FSTL1: variants seen among roughly 807,000 people sequenced by gnomAD.
The protein encoded by FSTL1 is follistatin-related protein 1.
In FSTL1, 24 loss-of-function variants were observed where a neutral mutation model predicts 45.9. That is an observed-to-expected ratio of 0.52 (90% CI 0.38 to 0.74). FSTL1 has a LOEUF of 0.74. FSTL1 is among the 30% of genes least tolerant of loss of function. The probability of loss-of-function intolerance (pLI) is 0.00; values close to 1 mark genes in which losing one functional copy is unlikely to be tolerated. For missense variants in FSTL1, 340 were observed against 381.8 expected, an observed-to-expected ratio of 0.89 and a Z score of 0.91; for synonymous variants, 120 against 137.6, an observed-to-expected ratio of 0.87 and a Z score of 0.89.
intron 2 of FSTL1, among the ~76,000 whole-genome samples, chr3:120,425,991 G>T (rs1937372696): frequency 6.6e-6 from 1 of 152,150 alleles, no homozygotes; most frequent in Admixed American, 6.5e-5. Flanking sequence ...GGGAAGAAAA[G>T]AAAGGAGAGA....
intron 2 of FSTL1, among the ~76,000 whole-genome samples, chr3:120,430,567 A>C (rs1340410775): frequency 6.6e-6 from 1 of 152,240 alleles, no homozygotes. Flanking sequence ...AGTTTAGAGG[A>C]ATGTTAATCT....
chr3:120,450,735 G>T lies in FSTL1; in HGVS notation c.12C>A (p.Arg4=). ...CCAGCGCGAGCGCGAGCGCGAGCCA[G>T]CGTTTCCACATCTGCGGAAGAGAGA... is the stretch of plus-strand genomic sequence containing the variant. MWK[R]WLALALALVA... The change falls in exon 2 of 11, where the codon CGC becomes CGA. Residue 4 remains arginine, a synonymous_variant. Transcript: ENST00000295633. The T allele has an allele frequency of 6.3e-7, 1 of 1,580,050 alleles. No individual in the cohort carries two copies. Among genetic ancestry groups the T allele is most frequent in the Non-Finnish European group, 8.5e-7 (1 of 1,169,796 alleles).
In FSTL1 at chr3:120,392,595, T is replaced by C. The variant is rs1253762932; in HGVS notation, c.*4357A>G. ...GGATTTTTACCATGTACACATATTA[T>C]TTTTTCAGTAAAAAAGTTAAATCAT... On this transcript the variant is annotated 3_prime_UTR_variant, in exon 11 of 11. Coordinates refer to ENST00000295633, the MANE Select transcript of FSTL1 (RefSeq NM_007085.5). 1.3e-5 allele frequency: 2 copies of C among 152,224 alleles called. No homozygotes were observed. The highest frequency in any genetic ancestry group is 4.8e-5 in the African/African-American group (2 of 41,470). 9.4% of individuals were successfully genotyped at this position (152,224 alleles called of 1,614,324 possible). A position where few individuals can be genotyped will look rare whatever the true frequency, so the allele number is the denominator to read the frequency against.
rs149202394 is a variant in FSTL1 at position 120,449,637 on chromosome 3, A to C, written c.63+1047T>G. Among the ~76,000 whole-genome samples, 476 of 152,368 alleles carry C rather than the reference A, an allele frequency of 3.1e-3. 4 individuals are homozygous for C. The highest frequency in any genetic ancestry group is 0.011 in the African/African-American group (447 of 41,588). On this transcript the variant is annotated intron_variant, in intron 2 of 10. Transcript: ENST00000295633. Reference sequence around the variant, plus strand: ...GTAGTGAATTAAATGAGAATTCAGTACAATGCGTATTTTTTAAAAATTGTG... The same window carrying C: ...GTAGTGAATTAAATGAGAATTCAGTCCAATGCGTATTTTTTAAAAATTGTG...
At chr3:120,424,754 G>T (rs974030389) in intron 2 of FSTL1, among the ~76,000 whole-genome samples, 1 of 152,162 alleles carries the variant, frequency 6.6e-6, no homozygotes, top group Non-Finnish European at 1.5e-5. Context: ...CTGGGGGGCT[G>T]CCAGATCTTT....
chr3:120,436,800 G>A (rs1937569233), intron 2 of FSTL1, among the ~76,000 whole-genome samples: 1 of 152,170 alleles, frequency 6.6e-6, no homozygotes, highest in African/African-American at 2.4e-5. Flanking sequence ...CATAATTATA[G>A]CACATAGTGC....
At chr3:120,406,547 T>C (rs1302532966) in intron 6 of FSTL1, among the ~76,000 whole-genome samples, 3 of 152,206 alleles carry the variant, frequency 2.0e-5, no homozygotes, top group Non-Finnish European at 2.9e-5. Context: ...AGGACTAGAA[T>C]AAGGCCTGCA....
intron 2 of FSTL1, among the ~76,000 whole-genome samples, chr3:120,432,348 G>T (rs776657248): frequency 1.8e-4 from 27 of 152,066 alleles, no homozygotes; most frequent in South Asian, 8.3e-4. Flanking sequence ...TGTCACAGCT[G>T]GGGGGAAGGA....
intron 7 of FSTL1, among the ~76,000 whole-genome samples, chr3:120,403,947 A>C (rs59780752): frequency 2.9e-5 from 3 of 104,332 alleles, no homozygotes; most frequent in African/African-American, 7.8e-5. Context: ...AAAAAAAACA[A>C]AAACAAAACA....
intron 4 of FSTL1, chr3:120,411,228 T>C: frequency 2.4e-6 from 1 of 409,730 alleles, no homozygotes; most frequent in Non-Finnish European, 4.5e-6. Flanking sequence ...CCTCCTCCTG[T>C]TGCATTGAGG....
chr3:120,419,048 A>C (rs1051034859), intron 2 of FSTL1: 2 of 152,218 alleles, frequency 1.3e-5, no homozygotes, highest in African/African-American at 4.8e-5. Flanking sequence ...CTAGTTACAC[A>C]ATCATTCCTC....
intron 6 of FSTL1, among the ~76,000 whole-genome samples, chr3:120,409,020 G>A (rs1936999867): frequency 1.3e-5 from 2 of 152,152 alleles, no homozygotes; most frequent in South Asian, 4.1e-4. Flanking sequence ...TTATGATTGG[G>A]AACAGCAATA....
At chr3:120,433,935 A>C (rs1384204008) in intron 2 of FSTL1, among the ~76,000 whole-genome samples, 3 of 152,216 alleles carry the variant, frequency 2.0e-5, no homozygotes, top group Non-Finnish European at 4.4e-5. Context: ...TAGAGCATGT[A>C]GGGTTTTAAA....
chr3:120,413,776 A>ACTCCCTCTCCCT (rs777544939), intron 3 of FSTL1, among the ~76,000 whole-genome samples: 1,019 of 35,828 alleles, frequency 0.028, 261 homozygotes, highest in Non-Finnish European at 0.043. Flanking sequence ...TAAAAAAAAA[A>ACTCCCTCTCCCT]CTCCCTCTCC....
rs1376444120 is a variant in FSTL1 at position 120,393,546 on chromosome 3, C to T, written c.*3406G>A. 1 of 152,198 alleles carries T rather than the reference C, an allele frequency of 6.6e-6. No individual in the cohort carries two copies. Among genetic ancestry groups the T allele is most frequent in the African/African-American group, 2.4e-5 (1 of 41,454 alleles). The allele number at this position is 152,198 out of a possible 1,614,324, so 9.4% of individuals were successfully genotyped here. On this transcript the variant is annotated 3_prime_UTR_variant, in exon 11 of 11. Transcript: ENST00000295633. Reference sequence around the variant, plus strand: ...TGGCAATGATTCCATGTTCCCTGTACTACCTTCCCATGTTTATTTGCCTTC... The same window carrying T: ...TGGCAATGATTCCATGTTCCCTGTATTACCTTCCCATGTTTATTTGCCTTC...
At chr3:120,415,890 C>A (rs762744377) in intron 3 of FSTL1, 33 bp downstream of exon 3, 3 of 1,361,206 alleles carry the variant, frequency 2.2e-6, no homozygotes, top group Non-Finnish European at 3.2e-6. Flanking sequence ...TGGCCTTGGC[C>A]ACTGTCCTCT....
At position 120,409,654 on chromosome 3, in the gene FSTL1, A is replaced by G; in HGVS notation, c.340T>C (p.Tyr114His). The change falls in exon 6 of 11, where the codon TAT becomes CAT. Residue 114 changes from tyrosine (Y) to histidine (H), a missense_variant. Transcript: ENST00000295633. ...CGGAGCTCATCACGGTTGGACTGAT[A>G]GCAAACAACTGCAGGAAAGTGGAGG... ...VSPSASPVVC[Y>H]QSNRDELRRR... is the part of the protein sequence containing the mutation. 1 of 1,614,030 alleles carries G rather than the reference A, an allele frequency of 6.2e-7. No homozygotes were observed.
chr3:120,443,664 T>C (rs1208998186), intron 2 of FSTL1, among the ~76,000 whole-genome samples: 1 of 149,534 alleles, frequency 6.7e-6, no homozygotes, highest in Non-Finnish European at 1.5e-5. Flanking sequence ...GCCTGCAACA[T>C]GTGATAGCTT....
Position 120,426,738 on chromosome 3 carries a change from A to T in FSTL1, c.64-10711T>A, listed in dbSNP as rs150001585. 3.4e-4 allele frequency among the ~76,000 whole-genome samples: 52 copies of T among 152,258 alleles called. 1 individual carries two copies. The East Asian group carries it at 5.8e-3, about 17-fold the overall frequency. ...GCCCTGGCACTGAGTTGGATGCCCG[A>T]CACTGTCACCTACTGCCTTCTACCT... On this transcript the variant is annotated intron_variant, in intron 2 of 10. Transcript: ENST00000295633.
Sources: gnomAD v4.1 joint callset for allele counts (sites outside exome capture counted in the v4.1 genomes callset) on GRCh38, gnomAD v4.1.1 for gene constraint, MANE v1.5 for transcripts, NCBI Gene and HGNC (gene_info 2026-07-23, HGNC 2026-07-21) for gene names.